The following MAP3K20 variants were observed in gnomAD, a reference collection of about 807,000 sequenced individuals.
MAP3K20 encodes the protein mitogen-activated protein kinase kinase kinase 20.
In MAP3K20, 40 loss-of-function variants were observed where a neutral mutation model predicts 85.7. That is an observed-to-expected ratio of 0.47 (90% CI 0.36 to 0.61). The LOEUF (loss-of-function observed/expected upper bound fraction) is 0.61, where lower values mean the gene tolerates loss of function less well. Among genes scored for constraint, MAP3K20 ranks in the 20% least tolerant of loss-of-function variants. The pLI, the probability that MAP3K20 is intolerant of heterozygous loss-of-function variation, is 0.00. For missense variants in MAP3K20, 817 were observed against 961.7 expected, an observed-to-expected ratio of 0.85 and a Z score of 1.99; for synonymous variants, 325 against 327.7, an observed-to-expected ratio of 0.99 and a Z score of 0.09.
Position 173,217,252 on chromosome 2 carries a change from T to TG in MAP3K20, c.987+3dup. 1 of 1,562,072 alleles carries TG rather than the reference T, an allele frequency of 6.4e-7. No homozygotes were observed. Among genetic ancestry groups the TG allele is most frequent in the East Asian group, 2.3e-5 (1 of 42,706 alleles). ...CTGACAGAGCAGTCCAACACCCCGGTGAGTACCCTCCCCCTTCGCCGTCTT... is the reference window on the plus strand; with the variant it reads ...CTGACAGAGCAGTCCAACACCCCGGTGGAGTACCCTCCCCCTTCGCCGTCTT... On this transcript the variant is annotated splice_region_variant and intron_variant, in intron 11 of 19. Coordinates refer to ENST00000375213, the MANE Select transcript of MAP3K20 (RefSeq NM_016653.3).
chr2:173,105,062 C>T (rs1448913261), intron 2 of MAP3K20, among the ~76,000 whole-genome samples: 1 of 152,144 alleles, frequency 6.6e-6, no homozygotes, highest in African/African-American at 2.4e-5. Context: ...TAAGAGCCTC[C>T]GACCTAAATT....
intron 1 of MAP3K20, among the ~76,000 whole-genome samples, chr2:173,078,163 G>T (rs1686916712): frequency 6.6e-6 from 1 of 152,182 alleles, no homozygotes; most frequent in Non-Finnish European, 1.5e-5. Context: ...AGATTCAGAA[G>T]AGAGGAGAGA....
intron 5 of MAP3K20, among the ~76,000 whole-genome samples, chr2:173,189,170 A>G (rs2106272732): frequency 6.6e-6 from 1 of 152,310 alleles, no homozygotes; most frequent in Middle Eastern, 3.4e-3. Flanking sequence ...TATTTTTATA[A>G]TGGCAGTTTT....
intron 16 of MAP3K20, among the ~76,000 whole-genome samples, chr2:173,256,068 T>C (rs1189773193): frequency 6.6e-6 from 1 of 152,266 alleles, no homozygotes; most frequent in Non-Finnish European, 1.5e-5. Flanking sequence ...GCTTTCCGTC[T>C]TGTGAATGTG....
At chr2:173,191,262 T>C in intron 7 of MAP3K20, 85 bp downstream of exon 7, 1 of 1,544,314 alleles carries the variant, frequency 6.5e-7, no homozygotes, top group Non-Finnish European at 8.7e-7. Context: ...TTAACATGGT[T>C]TTATTTTTAT....
At chr2:173,251,725 A>G (rs1198285719) in intron 16 of MAP3K20, among the ~76,000 whole-genome samples, 4 of 152,342 alleles carry the variant, frequency 2.6e-5, no homozygotes, top group South Asian at 2.1e-4. Flanking sequence ...ACACAGATAT[A>G]TACTATTGTC....
chr2:173,173,498 A>G (rs1690067819), intron 3 of MAP3K20, among the ~76,000 whole-genome samples: 1 of 152,180 alleles, frequency 6.6e-6, no homozygotes, highest in Non-Finnish European at 1.5e-5. Flanking sequence ...CTAGTTCTGC[A>G]TGATTTCTCA....
intron 2 of MAP3K20, among the ~76,000 whole-genome samples, chr2:173,094,246 TG>T (rs1445058163): frequency 1.3e-5 from 2 of 152,234 alleles, no homozygotes; most frequent in Non-Finnish European, 2.9e-5. Flanking sequence ...ATTTTACATT[TG>T]CTTTTTCTCT....
intron 14 of MAP3K20, 60 bp downstream of exon 14, chr2:173,232,519 T>C: frequency 6.3e-7 from 1 of 1,592,854 alleles, no homozygotes. Flanking sequence ...TTTGGTTTTT[T>C]TTGAGGCAGA....
chr2:173,147,743 C>T (rs1328621282), intron 2 of MAP3K20, among the ~76,000 whole-genome samples: 5 of 152,032 alleles, frequency 3.3e-5, no homozygotes, highest in East Asian at 1.9e-4. Flanking sequence ...CCTGCCACCA[C>T]GCCCGGCTAA....
chr2:173,139,326 C>T (rs1574049082), intron 2 of MAP3K20, among the ~76,000 whole-genome samples: 1 of 152,170 alleles, frequency 6.6e-6, no homozygotes, highest in Admixed American at 6.5e-5. Flanking sequence ...TGGGCATTTA[C>T]CTCCTGTTTG....
chr2:173,146,059 G>A (rs904943065), intron 2 of MAP3K20, among the ~76,000 whole-genome samples: 1 of 152,120 alleles, frequency 6.6e-6, no homozygotes, highest in African/African-American at 2.4e-5. Flanking sequence ...CATGAGGGTT[G>A]GGTACTGAAG....
chr2:173,257,281 C>G (rs1685183757), intron 16 of MAP3K20, among the ~76,000 whole-genome samples: 1 of 152,200 alleles, frequency 6.6e-6, no homozygotes, highest in Non-Finnish European at 1.5e-5. Flanking sequence ...AAACCTCTAT[C>G]AATAGAGCAC....
At chr2:173,223,887 T>A (rs890014366) in intron 11 of MAP3K20, 2 of 985,446 alleles carry the variant, frequency 2.0e-6, no homozygotes, top group Non-Finnish European at 2.4e-6. Context: ...GGGACTCCTG[T>A]CTTTCCAGCA....
chr2:173,160,835 G>C (rs1689636648), intron 2 of MAP3K20, among the ~76,000 whole-genome samples: 1 of 152,184 alleles, frequency 6.6e-6, no homozygotes, highest in Non-Finnish European at 1.5e-5. Flanking sequence ...TACTGGCCCT[G>C]GCCTAGGAAT....
At chr2:173,076,034 G>A in intron 1 of MAP3K20, 32 bp downstream of exon 1, 2 of 983,346 alleles carry the variant, frequency 2.0e-6, no homozygotes, top group Non-Finnish European at 2.4e-6. Context: ...GCGGAGGGCG[G>A]GGAGGGAGGG....
Position 173,266,161 on chromosome 2 carries a change from T to C in MAP3K20, c.1814T>C (p.Phe605Ser), listed in dbSNP as rs1685415012. 1 of 1,614,036 alleles carries C rather than the reference T, an allele frequency of 6.2e-7. No homozygotes were observed. Among genetic ancestry groups the C allele is most frequent in the Non-Finnish European group, 8.5e-7 (1 of 1,179,992 alleles). Residue 605 changes from phenylalanine (F) to serine (S), a missense_variant, in exon 20 of 20, where the codon TTT becomes TCT. Physicochemically the swap from Phe to Ser is radical, Grantham distance 155. This residue lies in a region of MAP3K20 where 454 missense variants were observed against 476.9 expected (regional missense o/e 0.95). Transcript: ENST00000375213. ...CTGGGGTCACCGTTCTTCTCACACT[T>C]TGATGGCCAGGATTCCTACGCTGCT... ...PILGSPFFSH[F>S]DGQDSYAAAV...
At chr2:173,248,256 G>A (rs777532068) in intron 16 of MAP3K20, among the ~76,000 whole-genome samples, 7 of 152,114 alleles carry the variant, frequency 4.6e-5, no homozygotes, top group Admixed American at 1.3e-4. Flanking sequence ...AAGTTCTCAC[G>A]GTCAGTGAGG....
chr2:173,146,187 A>C (rs1472648879), intron 2 of MAP3K20, among the ~76,000 whole-genome samples: 4 of 151,824 alleles, frequency 2.6e-5, no homozygotes, highest in African/African-American at 9.7e-5. Context: ...TTATACATAA[A>C]TTTTACCTCA....
Sources: allele counts gnomAD v4.1 joint callset (sites outside exome capture counted in the v4.1 genomes callset), GRCh38; gene constraint gnomAD v4.1.1; regional missense constraint gnomAD v4.1.1; transcripts MANE v1.5; gene names NCBI Gene and HGNC (gene_info 2026-07-23, HGNC 2026-07-21).